USP10: variants seen among roughly 807,000 people sequenced by gnomAD.
USP10 encodes the protein ubiquitin carboxyl-terminal hydrolase 10.
A neutral mutation model predicts 84.5 loss-of-function variants in USP10; 22 were observed. The observed-to-expected ratio is 0.26, with a 90% CI of 0.19 to 0.37. USP10 has a LOEUF of 0.37. Among genes scored for constraint, USP10 ranks in the 10% least tolerant of loss-of-function variants. USP10 has a pLI of 1.00. For synonymous variants in USP10, 454 were observed against 387.6 expected (o/e 1.17, Z -2.01); for missense variants, 1,019 against 998.9 (o/e 1.02, Z -0.27).
At chr16:84,743,082 C>T (rs547173104) in intron 3 of USP10, among the ~76,000 whole-genome samples, 1 of 152,310 alleles carries the variant, frequency 6.6e-6, no homozygotes, top group East Asian at 1.9e-4. Flanking sequence ...CCCAGAACAT[C>T]AGGGAATAGG....
chr16:84,709,651 C>A (rs1437082292), intron 1 of USP10, among the ~76,000 whole-genome samples: 1 of 151,874 alleles, frequency 6.6e-6, no homozygotes, highest in African/African-American at 2.4e-5. Context: ...AGAGAAGTTG[C>A]GTGACTCAGG....
chr16:84,775,487 T>G (rs1247098173), intron 13 of USP10, among the ~76,000 whole-genome samples: 5 of 152,242 alleles, frequency 3.3e-5, no homozygotes, highest in Non-Finnish European at 7.3e-5. Flanking sequence ...GGAGGGAGTT[T>G]CAGGCTCCCA....
At chr16:84,707,444 A>G (rs1389869777) in intron 1 of USP10, among the ~76,000 whole-genome samples, 1 of 152,226 alleles carries the variant, frequency 6.6e-6, no homozygotes, top group Non-Finnish European at 1.5e-5. Context: ...TTTAAAGTGA[A>G]AAGTAGAAGT....
intron 3 of USP10, among the ~76,000 whole-genome samples, chr16:84,743,605 A>G (rs1910876647): frequency 6.6e-6 from 1 of 152,218 alleles, no homozygotes; most frequent in African/African-American, 2.4e-5. Flanking sequence ...TTCATGCATT[A>G]AAGATGAAAT....
At chr16:84,716,362 TTTTG>T (rs1442412778) in intron 1 of USP10, 1 of 152,214 alleles carries the variant, frequency 6.6e-6, no homozygotes, top group African/African-American at 2.4e-5. Context: ...TCCTGTTCCA[TTTTG>T]TTTGTGGAAT....
chr16:84,705,785 T>A (rs2150753582), intron 1 of USP10, among the ~76,000 whole-genome samples: 1 of 146,606 alleles, frequency 6.8e-6, no homozygotes, highest in African/African-American at 2.6e-5. Context: ...AGTGGTGCGA[T>A]CTGGGTTCAC....
intron 10 of USP10, 34 bp downstream of exon 10, chr16:84,764,297 C>G (rs757497403): frequency 6.2e-7 from 1 of 1,613,608 alleles, no homozygotes; most frequent in Non-Finnish European, 8.5e-7. Flanking sequence ...TAATATTTGC[C>G]TTTTCTAGGG....
intron 1 of USP10, among the ~76,000 whole-genome samples, chr16:84,729,033 A>G (rs1215646106): frequency 6.6e-6 from 1 of 151,884 alleles, no homozygotes; most frequent in Admixed American, 6.6e-5. Context: ...CCTGAAGTCA[A>G]GTGATCTGCT....
chr16:84,702,437 T>A (rs1905008447), intron 1 of USP10, among the ~76,000 whole-genome samples: 1 of 152,238 alleles, frequency 6.6e-6, no homozygotes, highest in Non-Finnish European at 1.5e-5. Context: ...ATTTAGTTAC[T>A]GGTTCCTGCT....
intron 8 of USP10, among the ~76,000 whole-genome samples, chr16:84,762,204 A>T (rs1239935559): frequency 1.3e-5 from 2 of 152,214 alleles, no homozygotes; most frequent in Non-Finnish European, 2.9e-5. Flanking sequence ...GTTTTTCCAC[A>T]TGTAGTTTGA....
chr16:84,718,790 TTTG>T (rs140918905), intron 1 of USP10, among the ~76,000 whole-genome samples: 2,636 of 151,670 alleles, frequency 0.017, 78 homozygotes, highest in African/African-American at 0.06. Flanking sequence ...TTCTTTTAGT[TTTG>T]TTGTTGTTGT....
intron 8 of USP10, 32 bp from the exon 9 acceptor site, chr16:84,762,957 C>T (rs745377080): frequency 1.2e-5 from 18 of 1,459,302 alleles, no homozygotes; most frequent in Admixed American, 1.7e-5. Flanking sequence ...GTGATCAGTT[C>T]ACAGTAACGT....
rs981693256 is a variant in USP10, at chr16:84,745,252, A to G, written c.771A>G (p.Ala257=). 8.1e-6 allele frequency: 13 copies of G among 1,613,352 alleles called. No homozygotes were observed. In the African/African-American group the frequency reaches 1.7e-4, roughly 22 times the overall value. The change falls in exon 4 of 14, where the codon GCA becomes GCG. Residue 257 remains alanine (A), a synonymous_variant. Coordinates refer to ENST00000219473, the MANE Select transcript of USP10 (RefSeq NM_005153.3). ...GADFGQSCFP[A]EAGRDTLSRT... is the part of the protein sequence containing the mutation. ...ATTTTGGTCAGTCCTGCTTCCCTGCAGAGGCTGGCAGAGACACCCTGTCAA... is the reference window on the plus strand; with the variant it reads ...ATTTTGGTCAGTCCTGCTTCCCTGCGGAGGCTGGCAGAGACACCCTGTCAA...
intron 1 of USP10, among the ~76,000 whole-genome samples, chr16:84,721,780 C>G (rs1907843216): frequency 1.3e-5 from 2 of 152,228 alleles, no homozygotes; most frequent in Non-Finnish European, 2.9e-5. Flanking sequence ...TCACTGCAAC[C>G]TCCGCCTCCC....
intron 2 of USP10, 137 bp downstream of exon 2, chr16:84,733,640 C>G (rs1247868459): frequency 1.3e-5 from 7 of 553,216 alleles, no homozygotes; most frequent in Non-Finnish European, 2.1e-5. Context: ...ATGCCTCAAC[C>G]CACCAACTAG....
At chr16:84,761,747 A>G (rs1376244323) in intron 8 of USP10, among the ~76,000 whole-genome samples, 3 of 152,288 alleles carry the variant, frequency 2.0e-5, no homozygotes, top group Non-Finnish European at 4.4e-5. Context: ...CAAACGGTTT[A>G]GGCAGAATCC....
At chr16:84,712,411 C>T (rs1906432149) in intron 1 of USP10, among the ~76,000 whole-genome samples, 1 of 152,202 alleles carries the variant, frequency 6.6e-6, no homozygotes, top group Non-Finnish European at 1.5e-5. Flanking sequence ...CTGGTATGGT[C>T]TGGCTGCCCC....
intron 4 of USP10, among the ~76,000 whole-genome samples, chr16:84,748,776 G>A (rs915680356): frequency 3.3e-5 from 5 of 152,128 alleles, no homozygotes; most frequent in African/African-American, 1.2e-4. Context: ...AGTTTGTTAT[G>A]TTCTGTATAT....
intron 1 of USP10, 78 bp downstream of exon 1, chr16:84,700,189 C>CGGCG: frequency 4.5e-6 from 5 of 1,108,942 alleles, no homozygotes; most frequent in Non-Finnish European, 4.5e-6. Context: ...CGGGCGTCCG[C>CGGCG]GCCCTGCCCG....
Sources: gnomAD v4.1 joint callset for allele counts (sites outside exome capture counted in the v4.1 genomes callset) on GRCh38, gnomAD v4.1.1 for gene constraint, MANE v1.5 for transcripts, NCBI Gene and HGNC (gene_info 2026-07-23, HGNC 2026-07-21) for gene names.